Variants in ABLIM1 observed in about 807,000 individuals in gnomAD.
ABLIM1 encodes actin binding LIM protein 1.
In ABLIM1, 40 loss-of-function variants were observed where a neutral mutation model predicts 107.0. That is an observed-to-expected ratio of 0.37 (90% CI 0.29 to 0.49). The LOEUF (loss-of-function observed/expected upper bound fraction) is 0.49, where lower values mean the gene tolerates loss of function less well. Ranked by LOEUF, ABLIM1 falls within the 20% of genes least tolerant of loss-of-function variation. The pLI, the probability that ABLIM1 is intolerant of heterozygous loss-of-function variation, is 0.97. For synonymous variants in ABLIM1, 357 were observed against 357.3 expected (o/e 1.00, Z 0.01); for missense variants, 857 against 1,008.5 (o/e 0.85, Z 2.04).
chr10:114,567,036 G>A (rs575500615), intron 4 of ABLIM1, among the ~76,000 whole-genome samples: 6 of 152,138 alleles, frequency 3.9e-5, no homozygotes, highest in African/African-American at 7.2e-5. Context: ...GCGACAGAGC[G>A]AGACTCTGTC....
At chr10:114,438,905 A>C (rs111808359) in intron 21 of ABLIM1, among the ~76,000 whole-genome samples, 83 of 152,350 alleles carry the variant, frequency 5.4e-4, no homozygotes, top group African/African-American at 1.9e-3. Flanking sequence ...TATGCTCTGT[A>C]ATGCACATGG....
chr10:114,677,898 G>A (rs141825335), intron 1 of ABLIM1, among the ~76,000 whole-genome samples: 43 of 152,318 alleles, frequency 2.8e-4, no homozygotes, highest in African/African-American at 9.9e-4. Flanking sequence ...AGTATTCCAG[G>A]CTTCATTCTA....
intron 10 of ABLIM1, among the ~76,000 whole-genome samples, chr10:114,470,421 CAAAAAA>C (rs10608392): frequency 4.3e-3 from 379 of 88,890 alleles, no homozygotes; most frequent in African/African-American, 0.016. Flanking sequence ...GACTCCACCT[CAAAAAA>C]AAAAAAAAAA....
At chr10:114,611,825 C>T (rs2076830044) in intron 1 of ABLIM1, among the ~76,000 whole-genome samples, 1 of 152,154 alleles carries the variant, frequency 6.6e-6, no homozygotes, top group Non-Finnish European at 1.5e-5. Flanking sequence ...ACTCCTTTGA[C>T]ACACTCTTTG....
chr10:114,789,335 A>G, the ABLIM1 span, among the ~76,000 whole-genome samples: 1 of 152,214 alleles, frequency 6.6e-6, no homozygotes, highest in African/African-American at 2.4e-5. Flanking sequence ...AAACCTTTCG[A>G]TGGTCTCTAT....
intron 2 of ABLIM1, among the ~76,000 whole-genome samples, chr10:114,589,699 T>A (rs990950537): frequency 1.4e-4 from 22 of 152,314 alleles, no homozygotes; most frequent in Non-Finnish European, 2.9e-4. Context: ...TGTGCCACCA[T>A]GCCTGGCTCT....
chr10:114,455,741 T>C (rs1413891548), intron 12 of ABLIM1, among the ~76,000 whole-genome samples: 1 of 151,932 alleles, frequency 6.6e-6, no homozygotes, highest in African/African-American at 2.4e-5. Context: ...CAATTTTCTC[T>C]AAATTAAAGG....
chr10:114,440,824 C>T (rs1207015499), intron 19 of ABLIM1, 193 bp downstream of exon 19: 1 of 700,468 alleles, frequency 1.4e-6, no homozygotes, highest in Admixed American at 2.0e-5. Context: ...CACAAACTCA[C>T]TTCTTACAGT....
chr10:114,473,908 T>A lies in ABLIM1; in HGVS notation c.1090A>T (p.Ile364Phe), dbSNP rs779355608. 5 of 1,613,808 alleles carry A rather than the reference T, an allele frequency of 3.1e-6. No individual in the cohort carries two copies. The South Asian group carries it at 5.5e-5, about 18-fold the overall frequency. The change falls in exon 9 of 23, where the codon ATT becomes TTT. Residue 364 changes from isoleucine to phenylalanine, a missense_variant. Transcript: ENST00000533213. Reference sequence around the variant, plus strand: ...ATAGTATGACCTGGTGAGCCAGGAATACTGGAGCCTGGCCTAGAATAAATA... The same window carrying A: ...ATAGTATGACCTGGTGAGCCAGGAAAACTGGAGCCTGGCCTAGAATAAATA... ...ESIYSRPGSS[I>F]PGSPGHTIYA...
chr10:114,739,861 G>A (rs773942227), intron 1 of ABLIM1, among the ~76,000 whole-genome samples: 5 of 151,878 alleles, frequency 3.3e-5, no homozygotes, highest in African/African-American at 4.8e-5. Flanking sequence ...CAGCCCAAAC[G>A]GATTAAAGGA....
rs2058949471 is a variant in ABLIM1, at chr10:114,432,399, G to T, written c.*3861C>A. The T allele has an allele frequency of 6.6e-6, 1 of 152,130 alleles. No homozygotes were observed. The highest frequency in any genetic ancestry group is 6.5e-5 in the Admixed American group (1 of 15,280). 9.4% of individuals were successfully genotyped at this position (152,130 alleles called of 1,614,324 possible). A position where few individuals can be genotyped will look rare whatever the true frequency, so the allele number is the denominator to read the frequency against. On this transcript the variant is annotated 3_prime_UTR_variant, in exon 23 of 23. Coordinates refer to ENST00000533213, the MANE Select transcript of ABLIM1 (RefSeq NM_002313.7). ...AAGGGTTCTGTGAGCACCCAACCTG[G>T]AGCGGTCACCTGTCTCTTCCATACA...
At chr10:114,462,217 T>G (rs2064085855) in intron 12 of ABLIM1, among the ~76,000 whole-genome samples, 1 of 152,204 alleles carries the variant, frequency 6.6e-6, no homozygotes, top group Non-Finnish European at 1.5e-5. Context: ...TAGGACTGTT[T>G]TAAGACCTGT....
chr10:114,684,508 G>A (rs932212091), exon 1 of ABLIM1: 3 of 1,424,416 alleles, frequency 2.1e-6, no homozygotes, highest in Non-Finnish European at 2.8e-6. Context: ...ACCGGTGGGT[G>A]TGCCACAGCC....
chr10:114,691,994 T>G (rs752328417), intron 1 of ABLIM1, among the ~76,000 whole-genome samples: 16 of 152,234 alleles, frequency 1.1e-4, no homozygotes, highest in Non-Finnish European at 2.2e-4. Context: ...TCTCCTGCAC[T>G]GTTCACTCAG....
intron 6 of ABLIM1, among the ~76,000 whole-genome samples, chr10:114,540,265 C>T (rs1027172137): frequency 1.3e-5 from 2 of 152,088 alleles, no homozygotes; most frequent in African/African-American, 2.4e-5. Flanking sequence ...TCCTTAGAGC[C>T]GAAGGGACTC....
upstream of ABLIM1, among the ~76,000 whole-genome samples, chr10:114,771,468 G>A (rs2083024175): frequency 6.6e-6 from 1 of 152,136 alleles, no homozygotes; most frequent in South Asian, 2.1e-4. Flanking sequence ...TCTTCTTCAG[G>A]TTAAGTATAT....
At chr10:114,679,898 A>G (rs2141545208) in intron 1 of ABLIM1, among the ~76,000 whole-genome samples, 1 of 152,342 alleles carries the variant, frequency 6.6e-6, no homozygotes, top group African/African-American at 2.4e-5. Context: ...TGAAAATAAA[A>G]TAGATAAATA....
chr10:114,690,598 C>A, intron 1 of ABLIM1: 1 of 847,744 alleles, frequency 1.2e-6, no homozygotes, highest in East Asian at 2.4e-5. Flanking sequence ...CCCAAGGGCT[C>A]ACCATTGATG....
At chr10:114,479,622 G>T (rs562774478) in intron 8 of ABLIM1, among the ~76,000 whole-genome samples, 2 of 152,142 alleles carry the variant, frequency 1.3e-5, no homozygotes, top group African/African-American at 4.8e-5. Context: ...GTTGCCTACT[G>T]AACTGTGCTC....
Sources: allele counts gnomAD v4.1 joint callset (sites outside exome capture counted in the v4.1 genomes callset), GRCh38; gene constraint gnomAD v4.1.1; transcripts MANE v1.5; gene names NCBI Gene and HGNC (gene_info 2026-07-23, HGNC 2026-07-21).